LGALS2: variants seen among roughly 807,000 people sequenced by gnomAD.
The protein encoded by LGALS2 is galectin 2.
Under a neutral mutation model 10.1 loss-of-function variants are expected in LGALS2, and 7 were observed. That is an observed-to-expected ratio of 0.70 (90% confidence interval 0.40 to 1.31). The LOEUF (loss-of-function observed/expected upper bound fraction) is 1.31, where lower values mean the gene tolerates loss of function less well. Among genes scored for constraint, LGALS2 ranks in the 50% most tolerant of loss-of-function variants. LGALS2 has a pLI of 0.01. For missense variants in LGALS2, 167 were observed against 163.6 expected (o/e 1.02, Z -0.11); for synonymous variants, 86 against 64.2 (o/e 1.34, Z -1.63).
rs773577662 is a variant in LGALS2 at position 37,570,609 on chromosome 22, ATCT to A, written c.213_215del (p.Glu71del). The stretch of plus-strand genomic sequence containing the variant: ...CTGACCCTGGGCTGAAGCACAGGTG[ATCT>A]TCCCGTTGTTCTTGCCCCCAGTTGC... On this transcript the variant is annotated inframe_deletion, in exon 3 of 4. Transcript: ENST00000215886. The A allele has an allele frequency of 6.2e-7, 1 of 1,614,228 alleles. No individual in the cohort carries two copies. The highest frequency in any genetic ancestry group is 1.1e-5 in the South Asian group (1 of 91,090).
chr22:37,577,199 G>A (rs149769730), intron 1 of LGALS2, among the ~76,000 whole-genome samples: 6 of 152,230 alleles, frequency 3.9e-5, no homozygotes, highest in South Asian at 2.1e-4. Flanking sequence ...GGGAGAGTCC[G>A]TGGGCCACAG....
chr22:37,572,117 A>G (rs961793393), intron 1 of LGALS2, among the ~76,000 whole-genome samples, 186 bp from the exon 2 acceptor site: 1 of 152,128 alleles, frequency 6.6e-6, no homozygotes, highest in African/African-American at 2.4e-5. Context: ...GGCCTCCCAG[A>G]GCTTCCCCAC....
intron 1 of LGALS2, among the ~76,000 whole-genome samples, chr22:37,578,098 T>TC (rs372619960): frequency 1.3e-5 from 2 of 152,330 alleles, no homozygotes; most frequent in African/African-American, 4.8e-5. Context: ...CAGCCTGTGA[T>TC]CCCCTTCCAC....
At position 37,572,804 on chromosome 22, in the gene LGALS2, A is replaced by T. The variant is rs973226209; in HGVS notation, c.7-873T>A. On this transcript the variant is annotated intron_variant, in intron 1 of 3. Coordinates refer to ENST00000215886, the MANE Select transcript of LGALS2 (RefSeq NM_006498.3). ...AATAATAATAATAATAATAATAAAT[A>T]AAATAAAATAAAATAAATTATCTGC... Among the ~76,000 whole-genome samples, 11 of 135,962 alleles carry T rather than the reference A, an allele frequency of 8.1e-5. No individual in the cohort carries two copies. In the South Asian group the frequency reaches 1.8e-3, roughly 22 times the overall value. The allele number at this position is 135,962 out of a possible 152,430, so 89.2% of individuals were successfully genotyped here.
chr22:37,573,115 G>A (rs922990705), intron 1 of LGALS2, among the ~76,000 whole-genome samples: 6 of 149,804 alleles, frequency 4.0e-5, no homozygotes, highest in African/African-American at 1.5e-4. Context: ...TACTAAAAAT[G>A]CAAAAATTAG....
chr22:37,572,231 C>T (rs948793496), intron 1 of LGALS2, among the ~76,000 whole-genome samples: 3 of 152,224 alleles, frequency 2.0e-5, no homozygotes, highest in African/African-American at 7.2e-5. Flanking sequence ...TGCCCAGTTC[C>T]GCAAAGTGTT....
rs1218943087 is a variant in LGALS2, at chr22:37,571,949, C to T, written c.7-18G>A. On this transcript the variant is annotated intron_variant, in intron 1 of 3. Coordinates refer to ENST00000215886, the MANE Select transcript of LGALS2 (RefSeq NM_006498.3). The stretch of plus-strand genomic sequence containing the variant: ...AGTTCCCCCTGGGCCAACAGAGAAA[C>T]ATTCCACTCGAGTCCCCACAGAAAA... 1 of 1,604,130 alleles carries T rather than the reference C, an allele frequency of 6.2e-7. No individual in the cohort carries two copies. The highest frequency in any genetic ancestry group is 1.7e-5 in the Admixed American group (1 of 60,024).
chr22:37,579,597 C>T (rs8138833), intron 1 of LGALS2, among the ~76,000 whole-genome samples: 151,109 of 152,168 alleles, frequency 0.99, 75,030 homozygotes, highest in Middle Eastern at 1. Flanking sequence ...CAGGCCTAGC[C>T]AATTTTGTAT....
intron 1 of LGALS2, among the ~76,000 whole-genome samples, chr22:37,574,499 T>TAAAAA (rs56410387): frequency 8.3e-6 from 1 of 119,986 alleles, no homozygotes; most frequent in Non-Finnish European, 1.7e-5. Context: ...AGACTCTGTC[T>TAAAAA]AAAAAAAAAA....
intron 2 of LGALS2, 74 bp downstream of exon 2, chr22:37,571,775 G>T (rs1040852700): frequency 2.4e-6 from 3 of 1,225,940 alleles, no homozygotes; most frequent in African/African-American, 1.5e-5. Context: ...CACTTCACAG[G>T]GCTGCCCTGC....
At chr22:37,571,329 C>G (rs988401406) in intron 2 of LGALS2, among the ~76,000 whole-genome samples, 1 of 152,188 alleles carries the variant, frequency 6.6e-6, no homozygotes, top group Admixed American at 6.6e-5. Flanking sequence ...AGATAAAGCA[C>G]AGTTCCAAGA....
In LGALS2 at chr22:37,570,714, CT is replaced by C. The variant is rs771048792; in HGVS notation, c.110del (p.Gln37ArgfsTer6). On this transcript the variant is annotated frameshift_variant, in exon 3 of 4. Coordinates refer to ENST00000215886, the MANE Select transcript of LGALS2 (RefSeq NM_006498.3). LOFTEE classifies it high-confidence loss of function. ...GTDGFVINLG[Q>X]GTDKLNLHFN... is the part of the protein sequence containing the mutation. ...AATGCAGGTTCAGCTTGTCTGTCCC[CT>C]GGCCCAGATTAATTACAAAGCTGCA... 1.2e-6 allele frequency: 2 copies of C among 1,614,112 alleles called. No homozygotes were observed. Among genetic ancestry groups the C allele is most frequent in the Non-Finnish European group, 1.7e-6 (2 of 1,180,054 alleles).
chr22:37,579,294 C>T (rs1349408841), intron 1 of LGALS2, among the ~76,000 whole-genome samples: 1 of 146,066 alleles, frequency 6.8e-6, no homozygotes, highest in Admixed American at 7.1e-5. Flanking sequence ...CAAAATTAGC[C>T]AGTGTGGTAG....
intron 1 of LGALS2, among the ~76,000 whole-genome samples, chr22:37,573,359 C>T (rs1228641643): frequency 6.6e-6 from 1 of 152,228 alleles, no homozygotes; most frequent in Non-Finnish European, 1.5e-5. Flanking sequence ...CCAAGCCTCA[C>T]TTTCCCCTTC....
intron 2 of LGALS2, 109 bp downstream of exon 2, chr22:37,571,740 T>A: frequency 2.4e-6 from 2 of 834,766 alleles, no homozygotes; most frequent in South Asian, 2.9e-5. Context: ...AAGGGCCCAT[T>A]GGCCTGACGT....
At chr22:37,574,606 A>G (rs1295351960) in intron 1 of LGALS2, among the ~76,000 whole-genome samples, 1 of 152,026 alleles carries the variant, frequency 6.6e-6, no homozygotes, top group Non-Finnish European at 1.5e-5. Flanking sequence ...AAAGATTTAG[A>G]ACAACTTATG....
At chr22:37,577,906 A>G (rs1272945669) in intron 1 of LGALS2, among the ~76,000 whole-genome samples, 1 of 152,198 alleles carries the variant, frequency 6.6e-6, no homozygotes. Context: ...GGAAGAGGCA[A>G]GAAAGAACCC....
In LGALS2 at chr22:37,570,324, T is replaced by C; in HGVS notation, c.338A>G (p.His113Arg). The C allele has an allele frequency of 6.2e-7, 1 of 1,614,046 alleles. No individual in the cohort carries two copies. Among genetic ancestry groups the C allele is most frequent in the Non-Finnish European group, 8.5e-7 (1 of 1,179,900 alleles). ...GCCCCTTACGCTCAGGTAGCTCAGGTGGCTGTGACCCAGCCTGTTGGGAAA... is the reference window on the plus strand; with the variant it reads ...GCCCCTTACGCTCAGGTAGCTCAGGCGGCTGTGACCCAGCCTGTTGGGAAA... ...LTFPNRLGHSHLSYLSVRGGF... is the reference protein window; with the variant it reads ...LTFPNRLGHSRLSYLSVRGGF... Residue 113 changes from histidine to arginine, a missense_variant, in exon 4 of 4, where the codon CAC becomes CGC. Coordinates refer to ENST00000215886, the MANE Select transcript of LGALS2 (RefSeq NM_006498.3).
chr22:37,571,742 G>C lies in LGALS2; in HGVS notation c.89+107C>G. On this transcript the variant is annotated intron_variant, in intron 2 of 3. Transcript: ENST00000215886. ...GAAGGGTGTGAAAAAGGGCCCATTG[G>C]CCTGACGTCCCTCTTGCCTGAGCAC... 8.2e-6 allele frequency: 7 copies of C among 854,196 alleles called. No homozygotes were observed. The South Asian group carries it at 9.9e-5, about 12-fold the overall frequency. The allele number at this position is 854,196 out of a possible 1,614,324, so 52.9% of individuals were successfully genotyped here. A position where few individuals can be genotyped will look rare whatever the true frequency, so the allele number is the denominator to read the frequency against.
Sources: allele counts gnomAD v4.1 joint callset (sites outside exome capture counted in the v4.1 genomes callset), GRCh38; gene constraint gnomAD v4.1.1; transcripts MANE v1.5; gene names NCBI Gene and HGNC (gene_info 2026-07-23, HGNC 2026-07-21).